The following C6orf118 variants were observed in gnomAD, a reference collection of about 807,000 sequenced individuals.
C6orf118 encodes uncharacterized protein C6orf118.
A neutral mutation model predicts 50.2 loss-of-function variants in C6orf118; 50 were observed. The observed-to-expected ratio is 1.00, with a 90% CI of 0.79 to 1.26. The LOEUF (loss-of-function observed/expected upper bound fraction) is 1.26. C6orf118 is among the 50% of genes most tolerant of loss of function. The pLI is 0.00. For synonymous variants in C6orf118, 239 were observed against 230.9 expected, an observed-to-expected ratio of 1.03 and a Z score of -0.32; for missense variants, 641 against 578.7, an observed-to-expected ratio of 1.11 and a Z score of -1.10.
At chr6:165,292,109 C>T (rs1780124927) in intron 6 of C6orf118, among the ~76,000 whole-genome samples, 1 of 152,132 alleles carries the variant, frequency 6.6e-6, no homozygotes, top group Non-Finnish European at 1.5e-5. Context: ...TGTTCTCCGC[C>T]TTAACCTAAG....
At chr6:165,299,363 C>T in intron 4 of C6orf118, 80 bp downstream of exon 4, 1 of 1,312,998 alleles carries the variant, frequency 7.6e-7, no homozygotes, top group Non-Finnish European at 1.1e-6. Flanking sequence ...TTCTTGGATT[C>T]AGAAAGGTTT....
chr6:165,286,527 C>T (rs1181058589), intron 7 of C6orf118, among the ~76,000 whole-genome samples: 2 of 152,116 alleles, frequency 1.3e-5, no homozygotes, highest in Non-Finnish European at 2.9e-5. Context: ...CAAAAATCGT[C>T]AATAAAATAC....
At chr6:165,285,886 A>C (rs1779886433) in intron 7 of C6orf118, among the ~76,000 whole-genome samples, 1 of 151,966 alleles carries the variant, frequency 6.6e-6, no homozygotes, top group Non-Finnish European at 1.5e-5. Flanking sequence ...AGTGCAAACA[A>C]ACCCCAAAGC....
At chr6:165,307,577 T>A (rs1010064476) in intron 1 of C6orf118, among the ~76,000 whole-genome samples, 21 of 149,332 alleles carry the variant, frequency 1.4e-4, no homozygotes, top group African/African-American at 3.5e-4. Flanking sequence ...AAATTTTTTT[T>A]AATCACTGTC....
rs1373588760 is a variant in C6orf118 at position 165,301,775 on chromosome 6, T to C, written c.547A>G (p.Lys183Glu). 2 of 1,614,028 alleles carry C rather than the reference T, an allele frequency of 1.2e-6. No individual in the cohort carries two copies. Among genetic ancestry groups the C allele is most frequent in the Non-Finnish European group, 1.7e-6 (2 of 1,179,984 alleles). Residue 183 changes from lysine to glutamate, a missense_variant, in exon 2 of 9, where the codon AAG becomes GAG. By Grantham distance (56) the Lys-to-Glu change is moderately conservative. Coordinates refer to ENST00000230301, the MANE Select transcript of C6orf118 (RefSeq NM_144980.4). ...CCGGCCTCCTGGTAGCACAGCACCT[T>C]CAAGTCGGGCAGCCGGAGTTCTTCC... ...RREELRLPDL[K>E]VLCYQEAGSR...
chr6:165,288,600 A>T (rs528481930), intron 7 of C6orf118, among the ~76,000 whole-genome samples: 204 of 152,298 alleles, frequency 1.3e-3, no homozygotes, highest in African/African-American at 4.2e-3. Flanking sequence ...AATACTATGC[A>T]GCCATAAAAA....
chr6:165,296,665 C>G lies in C6orf118; in HGVS notation c.1061+1312G>C, dbSNP rs142693182. On this transcript the variant is annotated intron_variant, in intron 5 of 8. Coordinates refer to ENST00000230301, the MANE Select transcript of C6orf118 (RefSeq NM_144980.4). ...AAAAGACTTGGTCCATCGGTCCTCA[C>G]TCTCTCTCTTGCTCCCCTACCTGCT... Among the ~76,000 whole-genome samples, 503 of 152,298 alleles carry G rather than the reference C, an allele frequency of 3.3e-3. 1 individual carries two copies. Among genetic ancestry groups the G allele is most frequent in the Non-Finnish European group, 5.8e-3 (393 of 68,028 alleles).
At chr6:165,294,045 G>A (rs1282787409) in intron 5 of C6orf118, among the ~76,000 whole-genome samples, 1 of 152,030 alleles carries the variant, frequency 6.6e-6, no homozygotes, top group Non-Finnish European at 1.5e-5. Flanking sequence ...AGGAAATGGA[G>A]ACCATCCTGG....
At position 165,296,342 on chromosome 6, in the gene C6orf118, T is replaced by C. The variant is rs550371312; in HGVS notation, c.1061+1635A>G. Among the ~76,000 whole-genome samples the C allele has an allele frequency of 1.0e-3, 149 of 144,800 alleles. 1 individual carries two copies. The highest frequency in any genetic ancestry group is 2.8e-3 in the African/African-American group (114 of 40,202). The allele number at this position is 144,800 out of a possible 152,430, so 95.0% of individuals were successfully genotyped here. On this transcript the variant is annotated intron_variant, in intron 5 of 8. Coordinates refer to ENST00000230301, the MANE Select transcript of C6orf118 (RefSeq NM_144980.4). ...CTCCAGAAGCAGGGCTCAGTCACCA[T>C]TGCTTGACACAGTTTCTCGTGCTTC...
In C6orf118 at chr6:165,297,994, G is replaced by T. The variant is rs369222689; in HGVS notation, c.1044C>A (p.Ala348=). 4 of 1,613,784 alleles carry T rather than the reference G, an allele frequency of 2.5e-6. No homozygotes were observed. The highest frequency in any genetic ancestry group is 3.4e-6 in the Non-Finnish European group (4 of 1,180,004). The change falls in exon 5 of 9, where the codon GCC becomes GCA. Residue 348 remains alanine, a synonymous_variant. Transcript: ENST00000230301. Reference sequence around the variant, plus strand: ...TGCCTCACCTATCATTCTGCTCCAGGGCTGCTTTTGTGGCTGTCACGAGCA... The same window carrying T: ...TGCCTCACCTATCATTCTGCTCCAGTGCTGCTTTTGTGGCTGTCACGAGCA... ...LRMLVTATKA[A]LEQNDRLRSE...
intron 1 of C6orf118, among the ~76,000 whole-genome samples, chr6:165,302,972 T>A (rs2128164353): frequency 6.6e-6 from 1 of 152,282 alleles, no homozygotes; most frequent in East Asian, 1.9e-4. Context: ...TTGCTGCAGG[T>A]CTATAGTACA....
chr6:165,289,760 A>G (rs1442704043), intron 7 of C6orf118, 126 bp downstream of exon 7: 3 of 506,276 alleles, frequency 5.9e-6, no homozygotes, highest in Non-Finnish European at 1.0e-5. Context: ...ATTTTGAAAT[A>G]AAAAGTACAT....
At position 165,301,426 on chromosome 6, in the gene C6orf118, G is replaced by T; in HGVS notation, c.753+143C>A. 1.7e-6 allele frequency: 2 copies of T among 1,161,968 alleles called. 1 individual carries two copies. Among genetic ancestry groups the T allele is most frequent in the South Asian group, 3.0e-5 (2 of 67,422 alleles). The allele number at this position is 1,161,968 out of a possible 1,614,324, so 72.0% of individuals were successfully genotyped here. A position where few individuals can be genotyped will look rare whatever the true frequency, so the allele number is the denominator to read the frequency against. ...CAGAGAGCACTGCACCGCGAGGTCTGCACCGAGAACACTGCCCCAAGAGCT... is the reference window on the plus strand; with the variant it reads ...CAGAGAGCACTGCACCGCGAGGTCTTCACCGAGAACACTGCCCCAAGAGCT... On this transcript the variant is annotated intron_variant, in intron 2 of 8. Transcript: ENST00000230301.
intron 7 of C6orf118, among the ~76,000 whole-genome samples, chr6:165,286,669 A>C (rs1779914321): frequency 6.6e-6 from 1 of 152,164 alleles, no homozygotes; most frequent in East Asian, 1.9e-4. Flanking sequence ...ACTAAAGACA[A>C]AAACCACATG....
intron 4 of C6orf118, 142 bp from the exon 5 acceptor site, chr6:165,298,243 T>G (rs1014845185): frequency 5.4e-6 from 6 of 1,101,314 alleles, no homozygotes; most frequent in Non-Finnish European, 7.3e-6. Context: ...TTGGGAGGAT[T>G]TAAGGGAGGG....
intron 7 of C6orf118, among the ~76,000 whole-genome samples, chr6:165,287,758 C>A (rs1287393622): frequency 6.6e-6 from 1 of 152,134 alleles, no homozygotes; most frequent in Non-Finnish European, 1.5e-5. Context: ...TGGACCCCTC[C>A]CTTACACCTT....
In C6orf118 at chr6:165,286,435, C is replaced by T. The variant is rs560899398; in HGVS notation, c.1302+3451G>A. Among the ~76,000 whole-genome samples the T allele has an allele frequency of 3.9e-5, 6 of 152,034 alleles. No individual in the cohort carries two copies. The East Asian group carries it at 7.7e-4, about 20-fold the overall frequency. On this transcript the variant is annotated intron_variant, in intron 7 of 8. Coordinates refer to ENST00000230301, the MANE Select transcript of C6orf118 (RefSeq NM_144980.4). ...ACTCCTTAACTCATTTTATGAGGCC[C>T]GCATCATCCTGGTACCAAAACCTGG...
At chr6:165,290,597 G>A (rs895039846) in intron 6 of C6orf118, among the ~76,000 whole-genome samples, 1 of 152,138 alleles carries the variant, frequency 6.6e-6, no homozygotes, top group Admixed American at 6.5e-5. Flanking sequence ...GAAACGGGGG[G>A]CAGATCTGAG....
At chr6:165,284,000 C>T (rs1160943735) in intron 7 of C6orf118, among the ~76,000 whole-genome samples, 1 of 152,160 alleles carries the variant, frequency 6.6e-6, no homozygotes, top group Non-Finnish European at 1.5e-5. Flanking sequence ...CAGAATTAGA[C>T]TTCAGAAGGT....
Sources: gnomAD v4.1 joint callset for allele counts (sites outside exome capture counted in the v4.1 genomes callset) on GRCh38, gnomAD v4.1.1 for gene constraint, MANE v1.5 for transcripts, NCBI Gene and HGNC (gene_info 2026-07-23, HGNC 2026-07-21) for gene names.